Variants in MAP2K6 observed in about 807,000 individuals in gnomAD.
MAP2K6 encodes the protein dual specificity mitogen-activated protein kinase kinase 6.
MAP2K6 carries 16 observed loss-of-function variants against 53.7 expected under a neutral mutation model. That is an observed-to-expected ratio of 0.30 (90% confidence interval 0.20 to 0.45). The LOEUF (loss-of-function observed/expected upper bound fraction) is 0.45, where lower values mean the gene tolerates loss of function less well. MAP2K6 is among the 20% of genes least tolerant of loss of function. MAP2K6 has a pLI of 1.00. For missense variants in MAP2K6, 204 were observed against 411.9 expected (o/e 0.50, Z 4.37); for synonymous variants, 132 against 143.1 (o/e 0.92, Z 0.55).
At chr17:69,536,901 C>T (rs892302057) in intron 11 of MAP2K6, among the ~76,000 whole-genome samples, 20 of 151,316 alleles carry the variant, frequency 1.3e-4, no homozygotes, top group African/African-American at 4.4e-4. Flanking sequence ...GGCAACATGA[C>T]GAAACCCCAC....
At chr17:69,486,555 C>G (rs1317471984) in intron 1 of MAP2K6, among the ~76,000 whole-genome samples, 1 of 152,086 alleles carries the variant, frequency 6.6e-6, no homozygotes, top group African/African-American at 2.4e-5. Context: ...ATAAGGTGAG[C>G]AGGGAATCCA....
Position 69,516,805 on chromosome 17 carries a change from T to G in MAP2K6, c.84-50T>G, listed in dbSNP as rs748099083. ...AGTGGTGTGTGATTTGGGAAGGACA[T>G]AATTGACTCAATAGCTTATGTTTCT... On this transcript the variant is annotated intron_variant, in intron 2 of 11. Coordinates refer to ENST00000590474, the MANE Select transcript of MAP2K6 (RefSeq NM_002758.4). 10 of 1,355,492 alleles carry G rather than the reference T, an allele frequency of 7.4e-6. No individual in the cohort carries two copies. The South Asian group carries it at 1.2e-4, about 17-fold the overall frequency. 84.0% of individuals were successfully genotyped at this position (1,355,492 alleles called of 1,614,324 possible).
chr17:69,511,346 C>T (rs886925776), intron 2 of MAP2K6, among the ~76,000 whole-genome samples: 3 of 152,130 alleles, frequency 2.0e-5, no homozygotes, highest in Non-Finnish European at 2.9e-5. Flanking sequence ...TTGTGTTTTT[C>T]TTGGCAATTT....
At chr17:69,476,662 C>T (rs1177992764) in intron 1 of MAP2K6, among the ~76,000 whole-genome samples, 3 of 152,206 alleles carry the variant, frequency 2.0e-5, no homozygotes, top group East Asian at 3.9e-4. Context: ...AAACCCAAAC[C>T]TGGAGTACAT....
rs1912020468 is a variant in MAP2K6 at position 69,549,739 on chromosome 17, A to T, written c.*7986A>T. ...ATCTGATTTCACTAAGTAATATTCT[A>T]TTGTGGTCAGAAATGGGTAATTTGC... On this transcript the variant is annotated 3_prime_UTR_variant, in exon 12 of 12. Coordinates refer to ENST00000590474, the MANE Select transcript of MAP2K6 (RefSeq NM_002758.4). 6.6e-6 allele frequency: 1 copy of T among 152,162 alleles called. No homozygotes were observed. The highest frequency in any genetic ancestry group is 2.1e-4 in the South Asian group (1 of 4,820). 9.4% of individuals were successfully genotyped at this position (152,162 alleles called of 1,614,324 possible).
intron 1 of MAP2K6, among the ~76,000 whole-genome samples, chr17:69,430,105 T>C (rs1461419221): frequency 1.3e-5 from 2 of 151,954 alleles, no homozygotes; most frequent in Admixed American, 6.6e-5. Context: ...GGTGGGTGAG[T>C]CACTTGAGGT....
chr17:69,523,347 A>C (rs1220781894), intron 7 of MAP2K6, among the ~76,000 whole-genome samples, 167 bp from the exon 8 acceptor site: 1 of 152,242 alleles, frequency 6.6e-6, no homozygotes, highest in African/African-American at 2.4e-5. Flanking sequence ...AGTTGAAAGC[A>C]ATAAGCTGTT....
At chr17:69,441,699 G>A (rs141573150) in intron 1 of MAP2K6, among the ~76,000 whole-genome samples, 17 of 152,226 alleles carry the variant, frequency 1.1e-4, no homozygotes, top group Admixed American at 6.5e-4. Flanking sequence ...TGTGATATCC[G>A]ATTCTTACTT....
intron 1 of MAP2K6, among the ~76,000 whole-genome samples, chr17:69,475,901 G>A (rs182538607): frequency 6.6e-6 from 1 of 152,212 alleles, no homozygotes; most frequent in Non-Finnish European, 1.5e-5. Flanking sequence ...AATAAGAGGA[G>A]TGTAATCCTG....
In MAP2K6 at chr17:69,551,567, G is replaced by A. The variant is rs1598330542; in HGVS notation, c.*9814G>A. 6.6e-6 allele frequency: 1 copy of A among 152,202 alleles called. No homozygotes were observed. Among genetic ancestry groups the A allele is most frequent in the African/African-American group, 2.4e-5 (1 of 41,448 alleles). 9.4% of individuals were successfully genotyped at this position (152,202 alleles called of 1,614,324 possible). A position where few individuals can be genotyped will look rare whatever the true frequency, so the allele number is the denominator to read the frequency against. On this transcript the variant is annotated 3_prime_UTR_variant, in exon 12 of 12. Coordinates refer to ENST00000590474, the MANE Select transcript of MAP2K6 (RefSeq NM_002758.4). ...TGCCAAAAATTTACATTGGGCAGCA[G>A]TTTATAGTGTTCTTGGCCAATCTGC...
intron 1 of MAP2K6, among the ~76,000 whole-genome samples, chr17:69,476,475 G>A (rs1259003991): frequency 6.6e-6 from 1 of 152,206 alleles, no homozygotes; most frequent in Non-Finnish European, 1.5e-5. Context: ...TTGTGAATGA[G>A]GTGGTATATG....
intron 10 of MAP2K6, among the ~76,000 whole-genome samples, chr17:69,535,131 G>A (rs545200002): frequency 3.9e-5 from 6 of 152,120 alleles, no homozygotes; most frequent in Non-Finnish European, 8.8e-5. Flanking sequence ...GTTATTAAAT[G>A]TCTGTGTCAA....
chr17:69,435,720 G>A (rs1211383605), intron 1 of MAP2K6, among the ~76,000 whole-genome samples: 2 of 151,926 alleles, frequency 1.3e-5, no homozygotes, highest in Non-Finnish European at 2.9e-5. Context: ...CGCCCAGGCT[G>A]GAGTGCAGTG....
intron 8 of MAP2K6, 99 bp downstream of exon 8, chr17:69,523,740 A>G: frequency 6.9e-7 from 1 of 1,456,012 alleles, no homozygotes; most frequent in Non-Finnish European, 9.5e-7. Context: ...ATGGAAATGT[A>G]CCTAAGACTC....
chr17:69,536,093 T>C (rs1013529413), intron 10 of MAP2K6, 22 bp from the exon 11 acceptor site: 1 of 1,526,562 alleles, frequency 6.6e-7, no homozygotes, highest in Middle Eastern at 1.7e-4. Context: ...TAGATTTTAA[T>C]GATTATTTTT....
At chr17:69,537,409 C>T (rs1024451946) in intron 11 of MAP2K6, among the ~76,000 whole-genome samples, 3 of 152,204 alleles carry the variant, frequency 2.0e-5, no homozygotes, top group African/African-American at 7.2e-5. Context: ...CACAGTTATT[C>T]ATCAGGCATT....
intron 1 of MAP2K6, among the ~76,000 whole-genome samples, chr17:69,416,152 T>C (rs919854907): frequency 2.6e-5 from 4 of 152,170 alleles, no homozygotes; most frequent in Non-Finnish European, 5.9e-5. Flanking sequence ...GAGTAAGACA[T>C]GGTGAAATTA....
chr17:69,529,210 G>C (rs1910947405), intron 10 of MAP2K6, among the ~76,000 whole-genome samples: 1 of 152,104 alleles, frequency 6.6e-6, no homozygotes, highest in Non-Finnish European at 1.5e-5. Flanking sequence ...TGATTTAACT[G>C]ATCTGGGGAG....
intron 10 of MAP2K6, among the ~76,000 whole-genome samples, chr17:69,532,959 C>A (rs968808094): frequency 1.3e-5 from 2 of 152,016 alleles, no homozygotes; most frequent in Non-Finnish European, 2.9e-5. Context: ...GATACAGTCT[C>A]ACCCTGTTGC....
Sources: allele counts gnomAD v4.1 joint callset (sites outside exome capture counted in the v4.1 genomes callset), GRCh38; gene constraint gnomAD v4.1.1; transcripts MANE v1.5; gene names NCBI Gene and HGNC (gene_info 2026-07-23, HGNC 2026-07-21).